GNL3: variants seen among roughly 807,000 people sequenced by gnomAD.
GNL3 encodes G protein nucleolar 3, also known as guanine nucleotide-binding protein-like 3.
Under a neutral mutation model 70.6 loss-of-function variants are expected in GNL3, and 77 were observed. The observed-to-expected ratio is 1.09, with a 90% CI of 0.91 to 1.32. The LOEUF (loss-of-function observed/expected upper bound fraction) is 1.32, where lower values mean the gene tolerates loss of function less well. Ranked by LOEUF, GNL3 falls within the 40% of genes most tolerant of loss-of-function variation. The pLI is 0.00. For missense variants in GNL3, 634 were observed against 644.0 expected, an observed-to-expected ratio of 0.98 and a Z score of 0.17; for synonymous variants, 252 against 216.1, an observed-to-expected ratio of 1.17 and a Z score of -1.46.
chr3:52,687,213 T>C (rs374944734), intron 2 of GNL3, 33 bp from the exon 3 acceptor site: 5 of 1,573,462 alleles, frequency 3.2e-6, no homozygotes, highest in Non-Finnish European at 4.3e-6. Flanking sequence ...AAAGATATTT[T>C]TGTAAGCAGA....
chr3:52,690,497 TC>T (rs1662427011), intron 6 of GNL3, 94 bp from the exon 7 acceptor site: 1 of 708,856 alleles, frequency 1.4e-6, no homozygotes, highest in African/African-American at 1.8e-5. Context: ...TCTCCTGAAC[TC>T]GTGATCCGCC....
At position 52,694,106 on chromosome 3, in the gene GNL3, G is replaced by GAGGC. The variant is rs1384686733; in HGVS notation, c.1567+9_1567+12dup. On this transcript the variant is annotated splice_donor_region_variant and intron_variant, in intron 14 of 14. Coordinates refer to ENST00000418458, the MANE Select transcript of GNL3 (RefSeq NM_014366.5). ...ACTGTCTGAGGAGACTACAGCAGGT[G>GAGGC]AGGCAGGCAAAAGGGGTTCTAACGA... 6.2e-7 allele frequency: 1 copy of GAGGC among 1,610,788 alleles called. No individual in the cohort carries two copies. The highest frequency in any genetic ancestry group is 1.3e-5 in the African/African-American group (1 of 74,868).
chr3:52,689,401 C>G lies in GNL3; in HGVS notation c.541+195C>G, dbSNP rs998884943. The G allele has an allele frequency of 7.2e-6, 5 of 695,482 alleles. No individual in the cohort carries two copies. The South Asian group carries it at 7.2e-5, about 10-fold the overall frequency. 43.1% of individuals were successfully genotyped at this position (695,482 alleles called of 1,614,324 possible). ...ACTGACTCAACTGGTTTCTACTATT[C>G]TTTTGCCATTCAGTATTTACCATCT... On this transcript the variant is annotated intron_variant, in intron 6 of 14. Coordinates refer to ENST00000418458, the MANE Select transcript of GNL3 (RefSeq NM_014366.5).
rs373318905 is a variant in GNL3 at position 52,687,391 on chromosome 3, A to G, written c.210+8A>G. The G allele has an allele frequency of 1.9e-6, 3 of 1,612,962 alleles. No homozygotes were observed. In the African/African-American group the frequency reaches 4.0e-5, roughly 22 times the overall value. On this transcript the variant is annotated splice_region_variant and intron_variant, in intron 3 of 14. Coordinates refer to ENST00000418458, the MANE Select transcript of GNL3 (RefSeq NM_014366.5). ...GAGCTAAGGAAACAGAGGGTAAGTT[A>G]TGTTAGCCAGAATTTTCATTGAGTG...
Position 52,691,667 on chromosome 3 carries a change from C to T in GNL3, c.869+38C>T, listed in dbSNP as rs775284992. On this transcript the variant is annotated intron_variant, in intron 9 of 14. Transcript: ENST00000418458. ...GTCCATAATTGTAATATTATAGTGA[C>T]ACACTATTTTATTTTGGTTATCTCA... The T allele has an allele frequency of 7.0e-6, 7 of 1,002,706 alleles. 1 individual carries two copies. Among genetic ancestry groups the T allele is most frequent in the South Asian group, 5.2e-5 (4 of 77,456 alleles). 62.1% of individuals were successfully genotyped at this position (1,002,706 alleles called of 1,614,324 possible). A position where few individuals can be genotyped will look rare whatever the true frequency, so the allele number is the denominator to read the frequency against.
intron 1 of GNL3, 134 bp downstream of exon 1, chr3:52,686,239 T>A: frequency 1.1e-6 from 1 of 876,096 alleles, no homozygotes; most frequent in Non-Finnish European, 1.8e-6. Flanking sequence ...GCCTTGGCCC[T>A]ATTTCCTGGT....
intron 6 of GNL3, among the ~76,000 whole-genome samples, chr3:52,689,725 G>C (rs1243645147): frequency 6.6e-6 from 1 of 152,154 alleles, no homozygotes; most frequent in Non-Finnish European, 1.5e-5. Flanking sequence ...GGCTGAAGTG[G>C]GCACATCACT....
chr3:52,693,108 G>A, intron 10 of GNL3, 62 bp downstream of exon 10: 2 of 1,599,044 alleles, frequency 1.3e-6, no homozygotes, highest in East Asian at 2.2e-5. Flanking sequence ...AGCATTTTGA[G>A]TAGAAAAATC....
chr3:52,693,496 G>A lies in GNL3; in HGVS notation c.1276G>A (p.Gly426Ser), dbSNP rs746218270. 18 of 1,613,960 alleles carry A rather than the reference G, an allele frequency of 1.1e-5. No individual in the cohort carries two copies. Among genetic ancestry groups the A allele is most frequent in the African/African-American group, 8.0e-5 (6 of 74,894 alleles). ...GAGTATTGTGGTAGACATGAAAAGC[G>A]GCTTCAATCTGGAAGAACTGGAAAA... ...NESIVVDMKS[G>S]FNLEELEKNN... The change falls in exon 12 of 15, where the codon GGC becomes AGC. Residue 426 changes from glycine (G) to serine (S), a missense_variant. Gly to Ser is a moderately conservative substitution (Grantham distance 56). Coordinates refer to ENST00000418458, the MANE Select transcript of GNL3 (RefSeq NM_014366.5).
chr3:52,689,169 T>C lies in GNL3; in HGVS notation c.504T>C (p.Ser168=). The change falls in exon 6 of 15, where the codon AGT becomes AGC. Residue 168 remains serine, a synonymous_variant. Coordinates refer to ENST00000418458, the MANE Select transcript of GNL3 (RefSeq NM_014366.5). ...CPQVEEAIVQ[S]GQKKLVLILN... ...AGGTAGAAGAGGCCATTGTCCAGAG[T>C]GGACAGAAAAAGCTGGTACTTATAT... 6.2e-7 allele frequency: 1 copy of C among 1,613,476 alleles called. No individual in the cohort carries two copies. Among genetic ancestry groups the C allele is most frequent in the Non-Finnish European group, 8.5e-7 (1 of 1,179,486 alleles).
rs770263563 is a variant in GNL3, at chr3:52,693,423, C to T, written c.1203C>T (p.Tyr401=). ...WSEWTGASLA[Y]YCHPPTSWTP... ...TTAATATCAGTGCCTCATTAGCTTA[C>T]TATTGCCATCCCCCTACATCTTGGA... Residue 401 remains tyrosine, a synonymous_variant, in exon 12 of 15, where the codon TAC becomes TAT. Coordinates refer to ENST00000418458, the MANE Select transcript of GNL3 (RefSeq NM_014366.5). 1.4e-5 allele frequency: 22 copies of T among 1,613,930 alleles called. No homozygotes were observed. The highest frequency in any genetic ancestry group is 2.7e-5 in the African/African-American group (2 of 74,916).
chr3:52,688,098 TTATCCTC>T lies in GNL3; in HGVS notation c.325-8_325-2del, dbSNP rs2097323982. ...TTCTAATTTTGTGTTATTTCCCCCT[TTATCCTC>T]TAGGAGTTTGGGCTTTGCAAAACTG... On this transcript the variant is annotated splice_polypyrimidine_tract_variant and splice_region_variant and intron_variant, in intron 4 of 14. Coordinates refer to ENST00000418458, the MANE Select transcript of GNL3 (RefSeq NM_014366.5). The T allele has an allele frequency of 2.6e-6, 4 of 1,538,918 alleles. No individual in the cohort carries two copies. Among genetic ancestry groups the T allele is most frequent in the Non-Finnish European group, 3.6e-6 (4 of 1,111,724 alleles).
chr3:52,686,240 A>G (rs762822574), intron 1 of GNL3, 135 bp downstream of exon 1: 73 of 876,852 alleles, frequency 8.3e-5, no homozygotes, highest in Middle Eastern at 2.2e-4. Context: ...CCTTGGCCCT[A>G]TTTCCTGGTA....
chr3:52,691,279 A>G, intron 8 of GNL3: 4 of 612,154 alleles, frequency 6.5e-6, no homozygotes, highest in Non-Finnish European at 1.1e-5. Flanking sequence ...TGCCAGATTC[A>G]GGTTTTTTGT....
chr3:52,693,892 T>C (rs1346155393), intron 13 of GNL3, 85 bp downstream of exon 13: 6 of 1,378,018 alleles, frequency 4.4e-6, no homozygotes, highest in Admixed American at 3.8e-5. Flanking sequence ...ATAGGAAATA[T>C]TTGAGGCTTG....
At chr3:52,686,014 A>G (rs530947159), upstream of GNL3, 26 of 800,348 alleles carry the variant, frequency 3.2e-5, no homozygotes, top group East Asian at 7.3e-5. Flanking sequence ...TAAGTGCGTG[A>G]CGCTCGTCAG....
chr3:52,688,754 C>T (rs1368591378), intron 5 of GNL3: 9 of 338,390 alleles, frequency 2.7e-5, no homozygotes. Flanking sequence ...TGCCCCTCAG[C>T]AGCTTTTGGC....
At chr3:52,692,711 G>A (rs963345031) in intron 9 of GNL3, 161 bp from the exon 10 acceptor site, 13 of 764,384 alleles carry the variant, frequency 1.7e-5, no homozygotes, top group South Asian at 1.2e-4. Flanking sequence ...TAGAACAGTC[G>A]GGTATGCTGT....
In GNL3 at chr3:52,691,543, T is replaced by G. The variant is rs762651169; in HGVS notation, c.783T>G (p.Gly261=). The G allele has an allele frequency of 5.1e-6, 8 of 1,557,262 alleles. No individual in the cohort carries two copies. The highest frequency in any genetic ancestry group is 1.4e-5 in the African/African-American group (1 of 73,740). ...CSKAIRVGVI[G]FPNVGKSSII... ...TCTGGATTTCCCATTTATTTGTAGG[T>G]TTCCCAAATGTGGGGAAAAGCAGCA... is the stretch of plus-strand genomic sequence containing the variant. Residue 261 remains glycine (G), a splice_region_variant and synonymous_variant, in exon 9 of 15, where the codon GGT becomes GGG. Coordinates refer to ENST00000418458, the MANE Select transcript of GNL3 (RefSeq NM_014366.5).
Sources: gnomAD v4.1 joint callset for allele counts (sites outside exome capture counted in the v4.1 genomes callset) on GRCh38, gnomAD v4.1.1 for gene constraint, MANE v1.5 for transcripts, NCBI Gene and HGNC (gene_info 2026-07-23, HGNC 2026-07-21) for gene names.